The following SHISA6 variants were observed in gnomAD, a reference collection of about 807,000 sequenced individuals.
The protein encoded by SHISA6 is shisa family member 6.
In SHISA6, 22 loss-of-function variants were observed where a neutral mutation model predicts 47.9. That is an observed-to-expected ratio of 0.46 (90% CI 0.33 to 0.66). The LOEUF (loss-of-function observed/expected upper bound fraction) is 0.66. Among genes scored for constraint, SHISA6 ranks in the 30% least tolerant of loss-of-function variants. The pLI is 0.02. For missense variants in SHISA6, 680 were observed against 764.6 expected (o/e 0.89, Z 1.30); for synonymous variants, 388 against 337.8 (o/e 1.15, Z -1.63).
chr17:11,368,433 G>A (rs1044151307), intron 2 of SHISA6, among the ~76,000 whole-genome samples: 2 of 152,150 alleles, frequency 1.3e-5, no homozygotes, highest in African/African-American at 4.8e-5. Context: ...GAAGTATGGG[G>A]TAGAGAAGAG....
At chr17:11,497,782 C>G (rs1029787254) in intron 3 of SHISA6, among the ~76,000 whole-genome samples, 1 of 152,110 alleles carries the variant, frequency 6.6e-6, no homozygotes, top group Non-Finnish European at 1.5e-5. Flanking sequence ...CCTTCTCTGT[C>G]TCTCGCATCC....
At chr17:11,535,926 A>G (rs1201141343) in intron 3 of SHISA6, among the ~76,000 whole-genome samples, 1 of 152,098 alleles carries the variant, frequency 6.6e-6, no homozygotes, top group Admixed American at 6.6e-5. Flanking sequence ...GTATATATCT[A>G]TATACATATG....
intron 2 of SHISA6, among the ~76,000 whole-genome samples, chr17:11,376,979 T>C (rs1912823193): frequency 1.3e-5 from 2 of 152,250 alleles, no homozygotes; most frequent in South Asian, 2.1e-4. Context: ...TCATTGTGCT[T>C]TTTCCACCTC....
intron 3 of SHISA6, among the ~76,000 whole-genome samples, chr17:11,457,740 C>CAAA (rs56835775): frequency 0.011 from 1,125 of 101,812 alleles, 34 homozygotes; most frequent in African/African-American, 0.034. Flanking sequence ...GACTCAGTCT[C>CAAA]AAAAAAAAAA....
At chr17:11,283,948 T>G (rs559469066) in intron 2 of SHISA6, among the ~76,000 whole-genome samples, 2 of 152,320 alleles carry the variant, frequency 1.3e-5, no homozygotes, top group Non-Finnish European at 1.5e-5. Flanking sequence ...TTTGGTAGGT[T>G]GTTGTTCCCC....
chr17:11,361,920 G>C (rs1912301218), intron 2 of SHISA6, among the ~76,000 whole-genome samples: 1 of 152,088 alleles, frequency 6.6e-6, no homozygotes, highest in African/African-American at 2.4e-5. Context: ...ACTCAGAGAT[G>C]GGGTCAGCTC....
At chr17:11,327,551 C>T (rs1910940985) in intron 2 of SHISA6, among the ~76,000 whole-genome samples, 1 of 152,194 alleles carries the variant, frequency 6.6e-6, no homozygotes, top group Non-Finnish European at 1.5e-5. Flanking sequence ...GGACCCAGCA[C>T]TTTGGGAGGC....
At chr17:11,413,886 C>T (rs1465201020) in intron 3 of SHISA6, among the ~76,000 whole-genome samples, 2 of 152,154 alleles carry the variant, frequency 1.3e-5, no homozygotes, top group Non-Finnish European at 2.9e-5. Context: ...GCTGCGCAGT[C>T]ACAGTGAAAA....
At chr17:11,348,698 T>G (rs1262951669) in intron 2 of SHISA6, among the ~76,000 whole-genome samples, 1 of 152,082 alleles carries the variant, frequency 6.6e-6, no homozygotes, top group Non-Finnish European at 1.5e-5. Flanking sequence ...TTCTTTTCCT[T>G]CATAAGAAAC....
intron 3 of SHISA6, among the ~76,000 whole-genome samples, chr17:11,551,210 G>C (rs533602148): frequency 6.6e-6 from 1 of 152,326 alleles, no homozygotes; most frequent in East Asian, 1.9e-4. Flanking sequence ...AAAGCTTTTG[G>C]AACGCCTTGA....
chr17:11,299,378 T>C (rs1041051193), intron 2 of SHISA6, among the ~76,000 whole-genome samples: 1 of 152,076 alleles, frequency 6.6e-6, no homozygotes, highest in Non-Finnish European at 1.5e-5. Flanking sequence ...TTTTTTTCAA[T>C]GCAGGAACTG....
At chr17:11,351,846 T>C (rs1215451234) in intron 2 of SHISA6, among the ~76,000 whole-genome samples, 2 of 152,248 alleles carry the variant, frequency 1.3e-5, no homozygotes, top group Non-Finnish European at 2.9e-5. Flanking sequence ...AAAGCCATAC[T>C]GCAACAATAT....
chr17:11,512,897 T>C (rs540919398), intron 3 of SHISA6, among the ~76,000 whole-genome samples: 10 of 152,242 alleles, frequency 6.6e-5, no homozygotes, highest in Non-Finnish European at 1.3e-4. Context: ...CATCTACTAT[T>C]GTTGAACACA....
At chr17:11,253,029 G>C (rs1046150096) in intron 1 of SHISA6, among the ~76,000 whole-genome samples, 8 of 152,114 alleles carry the variant, frequency 5.3e-5, no homozygotes, top group Admixed American at 4.6e-4. Context: ...CATTCGCGAA[G>C]AAGAATATAT....
At chr17:11,246,694 A>G (rs1907606808) in intron 1 of SHISA6, among the ~76,000 whole-genome samples, 1 of 152,180 alleles carries the variant, frequency 6.6e-6, no homozygotes, top group Non-Finnish European at 1.5e-5. Context: ...TTCATGTGCC[A>G]CAGGCTTGGT....
chr17:11,558,291 A>G lies in SHISA6; in HGVS notation c.1643A>G (p.Glu548Gly). 6.5e-7 allele frequency: 1 copy of G among 1,538,546 alleles called. No homozygotes were observed. Among genetic ancestry groups the G allele is most frequent in the Non-Finnish European group, 8.7e-7 (1 of 1,146,654 alleles). ...HHTCYTASKT[E>G]VTV ...ACCTGCTACACAGCCAGCAAGACCG[A>G]AGTGACCGTGTGACCGGCGGGGCAG... is the stretch of plus-strand genomic sequence containing the variant. Residue 548 changes from glutamate (E) to glycine (G), a missense_variant, in exon 6 of 6, where the codon GAA becomes GGA. Physicochemically the swap from Glu to Gly is moderately conservative, Grantham distance 98. Transcript: ENST00000441885.
intron 2 of SHISA6, among the ~76,000 whole-genome samples, chr17:11,277,533 C>G (rs1264873087): frequency 6.6e-6 from 1 of 152,112 alleles, no homozygotes; most frequent in African/African-American, 2.4e-5. Flanking sequence ...ATAACTATTT[C>G]TTGAATAAAC....
intron 3 of SHISA6, among the ~76,000 whole-genome samples, chr17:11,457,240 C>G (rs1438390863): frequency 6.6e-6 from 1 of 152,198 alleles, no homozygotes; most frequent in Non-Finnish European, 1.5e-5. Flanking sequence ...GGTGTCCCTG[C>G]CACTCATCTC....
intron 2 of SHISA6, among the ~76,000 whole-genome samples, chr17:11,362,605 T>C (rs1056591788): frequency 1.3e-5 from 2 of 152,212 alleles, no homozygotes; most frequent in Non-Finnish European, 2.9e-5. Context: ...TCCTTGCTGC[T>C]TATATTACTG....
Sources: gnomAD v4.1 joint callset for allele counts (sites outside exome capture counted in the v4.1 genomes callset) on GRCh38, gnomAD v4.1.1 for gene constraint, MANE v1.5 for transcripts, NCBI Gene and HGNC (gene_info 2026-07-23, HGNC 2026-07-21) for gene names.